The following CD163L1 variants were observed in gnomAD, a reference collection of about 807,000 sequenced individuals.
CD163L1 encodes scavenger receptor cysteine-rich type 1 protein M160.
In CD163L1, 124 loss-of-function variants were observed where a neutral mutation model predicts 165.4. The ratio of observed to expected loss-of-function variants is 0.75; its 90% confidence interval spans 0.65 to 0.87. The LOEUF is 0.87. Ranked by LOEUF, CD163L1 falls within the 40% of genes least tolerant of loss-of-function variation. The pLI, the probability that CD163L1 is intolerant of heterozygous loss-of-function variation, is 0.00. For synonymous variants in CD163L1, 585 were observed against 662.2 expected, an observed-to-expected ratio of 0.88 and a Z score of 1.79; for missense variants, 1,525 against 1,799.9, an observed-to-expected ratio of 0.85 and a Z score of 2.76.
chr12:7,368,171 T>C lies in CD163L1; in HGVS notation c.4099A>G (p.Ile1367Val). The change falls in exon 17 of 20, where the codon ATC becomes GTC. Residue 1367 changes from isoleucine (I) to valine (V), a missense_variant. Coordinates refer to ENST00000313599, the MANE Select transcript of CD163L1 (RefSeq NM_174941.6). This position sits in a 1 kb window ranked among gnomAD's most constrained non-coding sequence, Gnocchi z 4.3. ...AGAACCAGGAGAAGGAGCCCAAAGATACTGGATAAAATAAGTGCTAAATGA... is the reference window on the plus strand; with the variant it reads ...AGAACCAGGAGAAGGAGCCCAAAGACACTGGATAAAATAAGTGCTAAATGA... Reference protein sequence around the residue: ...SGHLALILSSIFGLLLLVLFI... With the variant: ...SGHLALILSSVFGLLLLVLFI... The C allele has an allele frequency of 6.2e-7, 1 of 1,607,386 alleles. No homozygotes were observed. The highest frequency in any genetic ancestry group is 8.5e-7 in the Non-Finnish European group (1 of 1,174,102).
At chr12:7,365,850 G>A (rs1336100020) in intron 18 of CD163L1, among the ~76,000 whole-genome samples, 1 of 152,004 alleles carries the variant, frequency 6.6e-6, no homozygotes, top group Non-Finnish European at 1.5e-5. Context: ...AAAACTGTAT[G>A]GATTTGCCTC....
In CD163L1 at chr12:7,440,135, C is replaced by T. The variant is rs887516891; in HGVS notation, c.124+1019G>A. On this transcript the variant is annotated intron_variant, in intron 2 of 19. Coordinates refer to ENST00000313599, the MANE Select transcript of CD163L1 (RefSeq NM_174941.6). ...CTTGGACCCGCCGCGCCAGCGTGGCCACGTCCCGCTCAGGCTCCGCCGCCT... is the reference window on the plus strand; with the variant it reads ...CTTGGACCCGCCGCGCCAGCGTGGCTACGTCCCGCTCAGGCTCCGCCGCCT... 8.9e-4 allele frequency: 613 copies of T among 689,328 alleles called. 8 individuals are homozygous for T. Among genetic ancestry groups the T allele is most frequent in the Middle Eastern group, 4.0e-4 (1 of 2,514 alleles). The allele number at this position is 689,328 out of a possible 1,614,324, so 42.7% of individuals were successfully genotyped here.
In CD163L1 at chr12:7,368,199, T is replaced by C; in HGVS notation, c.4073-2A>G. On this transcript the variant is annotated splice_acceptor_variant, in intron 16 of 19. Coordinates refer to ENST00000313599, the MANE Select transcript of CD163L1 (RefSeq NM_174941.6). LOFTEE classifies it high-confidence loss of function. This position sits in a 1 kb window ranked among gnomAD's most constrained non-coding sequence, Gnocchi z 4.3. ...TGGATAAAATAAGTGCTAAATGACC[T>C]GTATAGAAATTAAGCATTGATAAGT... 6.7e-7 allele frequency: 1 copy of C among 1,503,036 alleles called. No homozygotes were observed. The highest frequency in any genetic ancestry group is 1.7e-4 in the Middle Eastern group (1 of 5,824). The allele number at this position is 1,503,036 out of a possible 1,614,324, so 93.1% of individuals were successfully genotyped here. A position where few individuals can be genotyped will look rare whatever the true frequency, so the allele number is the denominator to read the frequency against.
At chr12:7,440,414 C>G (rs1345030596) in intron 2 of CD163L1, among the ~76,000 whole-genome samples, 2 of 151,418 alleles carry the variant, frequency 1.3e-5, no homozygotes, top group African/African-American at 4.8e-5. Flanking sequence ...CCCAGCCCGG[C>G]CAGCTCCCGC....
At chr12:7,424,699 A>T (rs1948509751) in intron 4 of CD163L1, among the ~76,000 whole-genome samples, 1 of 152,128 alleles carries the variant, frequency 6.6e-6, no homozygotes, top group Non-Finnish European at 1.5e-5. Flanking sequence ...TAATAGACAA[A>T]CAGAGAGCCA....
chr12:7,364,545 G>A (rs1946973075), intron 18 of CD163L1, among the ~76,000 whole-genome samples: 1 of 152,074 alleles, frequency 6.6e-6, no homozygotes, highest in Non-Finnish European at 1.5e-5. Flanking sequence ...AAAATCTAAA[G>A]ACTCCACCAG....
At position 7,369,152 on chromosome 12, in the gene CD163L1, C is replaced by T. The variant is rs1947090850; in HGVS notation, c.4040-187G>A. Among the ~76,000 whole-genome samples, 1 of 152,244 alleles carries T rather than the reference C, an allele frequency of 6.6e-6. No homozygotes were observed. The highest frequency in any genetic ancestry group is 6.5e-5 in the Admixed American group (1 of 15,292). ...AAAGTCTAAGGCCAAATCCACCTTT[C>T]TTCCCTCAAAATTATGGGGGCTATT... On this transcript the variant is annotated intron_variant, in intron 15 of 19. Coordinates refer to ENST00000313599, the MANE Select transcript of CD163L1 (RefSeq NM_174941.6). The surrounding 1 kb of genome is among the most constrained non-coding windows in gnomAD (Gnocchi z 4.9).
At position 7,374,904 on chromosome 12, in the gene CD163L1, C is replaced by G; in HGVS notation, c.3021G>C (p.Leu1007=). The G allele has an allele frequency of 6.2e-7, 1 of 1,614,048 alleles. No homozygotes were observed. The change falls in exon 12 of 20, where the codon CTG becomes CTC. Residue 1007 remains leucine (L), a synonymous_variant. Coordinates refer to ENST00000313599, the MANE Select transcript of CD163L1 (RefSeq NM_174941.6). The surrounding 1 kb of genome is among the most constrained non-coding windows in gnomAD (Gnocchi z 5.4). The part of the protein sequence containing the change: ...VICTGSLTQP[L]FPCLANVSDP... ...CAGATACATTTGCGAGGCATGGAAA[C>G]AGTGGCTGGGTCAGGCTTCCTGGTG...
At chr12:7,396,618 A>G (rs761422544) in intron 7 of CD163L1, among the ~76,000 whole-genome samples, 30 of 152,300 alleles carry the variant, frequency 2.0e-4, no homozygotes, top group African/African-American at 7.2e-4. Context: ...GGTGGGCCTC[A>G]TCCAATCAGT....
At chr12:7,352,104 T>C (rs147957022), downstream of CD163L1, among the ~76,000 whole-genome samples, 244 of 152,152 alleles carry the variant, frequency 1.6e-3, 1 homozygote, top group African/African-American at 5.5e-3. Flanking sequence ...TATTAGCAAT[T>C]GATGGTATAT....
intron 8 of CD163L1, among the ~76,000 whole-genome samples, chr12:7,390,619 C>G (rs1736700156): frequency 6.6e-6 from 1 of 152,098 alleles, no homozygotes; most frequent in African/African-American, 2.4e-5. Flanking sequence ...TAAATGATAA[C>G]TCTACGTCTA....
chr12:7,430,351 A>G (rs1018991351), intron 4 of CD163L1, among the ~76,000 whole-genome samples: 1 of 152,214 alleles, frequency 6.6e-6, no homozygotes, highest in Non-Finnish European at 1.5e-5. Context: ...AGCCAGTAAG[A>G]GACAGATCAC....
In CD163L1 at chr12:7,400,771, ATG is replaced by A. The variant is rs1444434031; in HGVS notation, c.1409-2189_1409-2188del. Reference sequence around the variant, plus strand: ...AAAGGAAAAAGTAGCAAGGAATTTTATGAAAAATAAGAATACTTAGGCAATAT... The same window carrying A: ...AAAGGAAAAAGTAGCAAGGAATTTTAAAAAATAAGAATACTTAGGCAATAT... On this transcript the variant is annotated intron_variant, in intron 6 of 19. Coordinates refer to ENST00000313599, the MANE Select transcript of CD163L1 (RefSeq NM_174941.6). The surrounding 1 kb of genome is among the most constrained non-coding windows in gnomAD (Gnocchi z 4.1). 1.5e-4 allele frequency among the ~76,000 whole-genome samples: 23 copies of A among 152,348 alleles called. No individual in the cohort carries two copies. In the Middle Eastern group the frequency reaches 0.014, roughly 90 times the overall value.
chr12:7,330,286 C>T, the CD163L1 span, among the ~76,000 whole-genome samples: 2 of 152,152 alleles, frequency 1.3e-5, no homozygotes, highest in African/African-American at 4.8e-5. Context: ...TAAACATAGC[C>T]ACCTGTGTGG....
In CD163L1 at chr12:7,421,041, A is replaced by ATGTATATACGTATATATATATACGTG. The variant is rs1948347729; in HGVS notation, c.766+11374_766+11375insCACGTATATATATATACGTATATACA. On this transcript the variant is annotated intron_variant, in intron 4 of 19. Coordinates refer to ENST00000313599, the MANE Select transcript of CD163L1 (RefSeq NM_174941.6). ...TATATATACATATATATATACGTGT[A>ATGTATATACGTATATATATATACGTG]TATATATGTATATACGTATATATGT... Among the ~76,000 whole-genome samples, 2 of 108,620 alleles carry ATGTATATACGTATATATATATACGTG rather than the reference A, an allele frequency of 1.8e-5. 1 individual carries two copies. The highest frequency in any genetic ancestry group is 9.4e-5 in the African/African-American group (2 of 21,290). The allele number at this position is 108,620 out of a possible 152,430, so 71.3% of individuals were successfully genotyped here.
intron 8 of CD163L1, among the ~76,000 whole-genome samples, chr12:7,391,402 T>C (rs1947650825): frequency 6.6e-6 from 1 of 152,038 alleles, no homozygotes. Context: ...CTTCAGAAGG[T>C]CTGTAATAAC....
At chr12:7,335,386 T>TG in the CD163L1 span, among the ~76,000 whole-genome samples, 1 of 152,162 alleles carries the variant, frequency 6.6e-6, no homozygotes, top group Non-Finnish European at 1.5e-5. Flanking sequence ...AAACAAGCAA[T>TG]GGGGAAAGGA....
In CD163L1 at chr12:7,432,881, G is replaced by A. The variant is rs1014250121; in HGVS notation, c.446-145C>T. ...ATAACTGAAAATACTTATAGGAGGG[G>A]TATGTGAGGCTTTTTTCTAAACACA... On this transcript the variant is annotated intron_variant, in intron 3 of 19. Transcript: ENST00000313599. This position sits in a 1 kb window ranked among gnomAD's most constrained non-coding sequence, Gnocchi z 4.2. 9.9e-5 allele frequency: 64 copies of A among 647,498 alleles called. No individual in the cohort carries two copies. The highest frequency in any genetic ancestry group is 3.3e-4 in the Admixed American group (9 of 27,606). 40.1% of individuals were successfully genotyped at this position (647,498 alleles called of 1,614,324 possible). A position where few individuals can be genotyped will look rare whatever the true frequency, so the allele number is the denominator to read the frequency against.
At chr12:7,391,254 G>A (rs1382334640) in intron 8 of CD163L1, among the ~76,000 whole-genome samples, 1 of 152,202 alleles carries the variant, frequency 6.6e-6, no homozygotes, top group African/African-American at 2.4e-5. Context: ...AAACTGCAAA[G>A]ATGGGGAGAA....
Sources: allele counts gnomAD v4.1 joint callset (sites outside exome capture counted in the v4.1 genomes callset), GRCh38; gene constraint gnomAD v4.1.1; non-coding constraint Gnocchi (gnomAD v3.1); transcripts MANE v1.5; gene names NCBI Gene and HGNC (gene_info 2026-07-23, HGNC 2026-07-21).